SLK: variants seen among roughly 807,000 people sequenced by gnomAD.
SLK encodes STE20 like kinase.
A neutral mutation model predicts 147.7 loss-of-function variants in SLK; 67 were observed. The observed-to-expected ratio is 0.45, with a 90% CI of 0.37 to 0.56. SLK has a LOEUF of 0.56. Ranked by LOEUF, SLK falls within the 20% of genes least tolerant of loss-of-function variation. The pLI, the probability that SLK is intolerant of heterozygous loss-of-function variation, is 0.00. For missense variants in SLK, 1,136 were observed against 1,438.8 expected, an observed-to-expected ratio of 0.79 and a Z score of 3.41; for synonymous variants, 441 against 475.0, an observed-to-expected ratio of 0.93 and a Z score of 0.93.
At chr10:103,984,780 T>C (rs1843991134) in intron 1 of SLK, among the ~76,000 whole-genome samples, 1 of 152,180 alleles carries the variant, frequency 6.6e-6, no homozygotes, top group African/African-American at 2.4e-5. Flanking sequence ...ATTTATTTGT[T>C]GACTGTCCAC....
chr10:104,014,313 T>G (rs1844435266), intron 13 of SLK, among the ~76,000 whole-genome samples: 1 of 152,244 alleles, frequency 6.6e-6, no homozygotes, highest in Admixed American at 6.5e-5. Context: ...TGAGTTTCTA[T>G]TCTCCTTATT....
intron 17 of SLK, 23 bp from the exon 18 acceptor site, chr10:104,021,597 T>C: frequency 2.8e-6 from 4 of 1,451,584 alleles, no homozygotes; most frequent in Non-Finnish European, 2.8e-6. Flanking sequence ...TGAAATTTTT[T>C]TAAATCCCAA....
At chr10:104,001,647 G>C in intron 8 of SLK, 75 bp downstream of exon 8, 1 of 1,529,188 alleles carries the variant, frequency 6.5e-7, no homozygotes, top group African/African-American at 1.4e-5. Context: ...TGTATCTAAG[G>C]ATTGATGGGT....
At chr10:103,977,744 A>T (rs913018870) in intron 1 of SLK, among the ~76,000 whole-genome samples, 2 of 152,096 alleles carry the variant, frequency 1.3e-5, no homozygotes, top group African/African-American at 4.8e-5. Flanking sequence ...TAGTTCTTCC[A>T]TTATGTTTTG....
intron 13 of SLK, among the ~76,000 whole-genome samples, chr10:104,012,363 T>C (rs752002729): frequency 2.6e-5 from 4 of 152,196 alleles, no homozygotes; most frequent in Admixed American, 6.5e-5. Flanking sequence ...TCTGAATAAA[T>C]TTAGTTTGCT....
At chr10:103,972,618 G>A (rs1490739805) in intron 1 of SLK, among the ~76,000 whole-genome samples, 1 of 151,040 alleles carries the variant, frequency 6.6e-6, no homozygotes. Flanking sequence ...CTTGCAGTGA[G>A]CCGGGATCGC....
intron 2 of SLK, among the ~76,000 whole-genome samples, chr10:103,991,941 A>G (rs1229844397): frequency 6.6e-6 from 1 of 151,960 alleles, no homozygotes; most frequent in Non-Finnish European, 1.5e-5. Context: ...ATAAAAATTT[A>G]GACAACTGTG....
In SLK at chr10:104,003,112, C is replaced by A; in HGVS notation, c.1934C>A (p.Ser645Ter). Residue 645 changes from serine to a stop codon, truncating the protein, a stop_gained, in exon 9 of 19, where the codon TCA becomes TAA. Transcript: ENST00000369755. LOFTEE classifies it high-confidence loss of function. ...ACTGAAGGTGAAGAAATCACTGAGT[C>A]AAGTAGCACTGAAGAAATGGAGGTC... ...GTTEGEEITE[S>*]SSTEEMEVRS... 1 of 1,614,056 alleles carries A rather than the reference C, an allele frequency of 6.2e-7. No homozygotes were observed. The highest frequency in any genetic ancestry group is 1.1e-5 in the South Asian group (1 of 91,064).
In SLK at chr10:104,003,416, T is replaced by C. The variant is rs1844282559; in HGVS notation, c.2238T>C (p.Asn746=). 1 of 1,613,796 alleles carries C rather than the reference T, an allele frequency of 6.2e-7. No homozygotes were observed. The highest frequency in any genetic ancestry group is 1.7e-5 in the Admixed American group (1 of 59,986). ...LPPESENPKE[N]DNDSGTGSTA... ...CAGAATCTGAGAATCCAAAGGAAAA[T>C]GATAATGATTCAGGCACTGGTTCCA... Residue 746 remains asparagine, a synonymous_variant, in exon 9 of 19, where the codon AAT becomes AAC. Transcript: ENST00000369755.
chr10:104,010,911 A>G lies in SLK; in HGVS notation c.2877+3A>G. 1 of 1,565,218 alleles carries G rather than the reference A, an allele frequency of 6.4e-7. No homozygotes were observed. The highest frequency in any genetic ancestry group is 8.6e-7 in the Non-Finnish European group (1 of 1,161,756). On this transcript the variant is annotated splice_donor_region_variant and intron_variant, in intron 13 of 18. Transcript: ENST00000369755. ...TTGCACAAAGCCAGCATGCTCAGGTAACAGCAGCAGCTTAATGCTACTAAA... is the reference window on the plus strand; with the variant it reads ...TTGCACAAAGCCAGCATGCTCAGGTGACAGCAGCAGCTTAATGCTACTAAA...
chr10:103,987,965 T>C (rs1844039456), intron 1 of SLK, among the ~76,000 whole-genome samples: 1 of 152,122 alleles, frequency 6.6e-6, no homozygotes, highest in Admixed American at 6.5e-5. Flanking sequence ...GAGAAAAGCA[T>C]AGACATTTAA....
chr10:104,005,846 A>G, intron 10 of SLK, 66 bp from the exon 11 acceptor site: 2 of 1,551,076 alleles, frequency 1.3e-6, no homozygotes, highest in Non-Finnish European at 1.7e-6. Flanking sequence ...AAAGCTTTAA[A>G]AAAAAACGTA....
At chr10:104,019,669 T>C in intron 15 of SLK, 65 bp from the exon 16 acceptor site, 2 of 1,188,324 alleles carry the variant, frequency 1.7e-6, no homozygotes, top group Non-Finnish European at 2.5e-6. Context: ...ATGACATATT[T>C]GAATATGCAT....
At chr10:104,011,100 T>C (rs1349257089) in intron 13 of SLK, among the ~76,000 whole-genome samples, 192 bp downstream of exon 13, 1 of 152,206 alleles carries the variant, frequency 6.6e-6, no homozygotes, top group Non-Finnish European at 1.5e-5. Flanking sequence ...GTTGCTAATA[T>C]GAAGTTAAGT....
chr10:103,993,241 A>C (rs1844124129), intron 4 of SLK, 108 bp downstream of exon 4: 1 of 726,742 alleles, frequency 1.4e-6, no homozygotes, highest in Non-Finnish European at 2.2e-6. Context: ...TGAAACATGG[A>C]GAACTAACTC....
intron 12 of SLK, among the ~76,000 whole-genome samples, chr10:104,009,561 T>C (rs1844372675): frequency 6.6e-6 from 1 of 152,166 alleles, no homozygotes; most frequent in Non-Finnish European, 1.5e-5. Context: ...TTGCTGTATA[T>C]ACTGTGAGGT....
At chr10:104,019,248 T>C in intron 15 of SLK, 1 of 194,994 alleles carries the variant, frequency 5.1e-6, no homozygotes, top group Non-Finnish European at 1.1e-5. Context: ...AGTTGCAGTA[T>C]AAAACTCTCA....
chr10:103,996,600 G>A (rs569208077), intron 4 of SLK, among the ~76,000 whole-genome samples: 4 of 151,932 alleles, frequency 2.6e-5, no homozygotes, highest in African/African-American at 7.2e-5. Flanking sequence ...GGGTTTCACC[G>A]TGTTAGCCAA....
Position 103,967,881 on chromosome 10 carries a change from G to T in SLK, c.136G>T (p.Gly46Trp). The T allele has an allele frequency of 6.3e-7, 1 of 1,597,100 alleles. No individual in the cohort carries two copies. The highest frequency in any genetic ancestry group is 8.5e-7 in the Non-Finnish European group (1 of 1,171,912). The stretch of plus-strand genomic sequence containing the variant: ...AGGAGAACTGGGCGACGGAGCCTTT[G>T]GGAAAGTGTACAAGGTAAGAGGGGG... ...IIGELGDGAF[G>W]KVYKAQNKET... Residue 46 changes from glycine to tryptophan, a missense_variant, in exon 1 of 19, where the codon GGG (glycine) becomes TGG (tryptophan). Physicochemically the swap from Gly to Trp is radical, Grantham distance 184. Transcript: ENST00000369755.
Sources: gnomAD v4.1 joint callset for allele counts (sites outside exome capture counted in the v4.1 genomes callset) on GRCh38, gnomAD v4.1.1 for gene constraint, MANE v1.5 for transcripts, NCBI Gene and HGNC (gene_info 2026-07-23, HGNC 2026-07-21) for gene names.